Variants in SLC24A2 observed in about 807,000 individuals in gnomAD.
SLC24A2 encodes sodium/potassium/calcium exchanger 2.
SLC24A2 carries 36 observed loss-of-function variants against 62.0 expected under a neutral mutation model. The observed-to-expected ratio is 0.58, with a 90% confidence interval of 0.44 to 0.77. The LOEUF is 0.77. Ranked by LOEUF, SLC24A2 falls within the 30% of genes least tolerant of loss-of-function variation. The probability of loss-of-function intolerance (pLI) is 0.00; values close to 1 mark genes in which losing one functional copy is unlikely to be tolerated. For missense variants in SLC24A2, 846 were observed against 817.9 expected (o/e 1.03, Z -0.42); for synonymous variants, 358 against 294.0 (o/e 1.22, Z -2.23).
At chr9:19,828,572 A>C in the SLC24A2 span, among the ~76,000 whole-genome samples, 1 of 152,174 alleles carries the variant, frequency 6.6e-6, no homozygotes, top group Non-Finnish European at 1.5e-5. Context: ...CATTAATGAG[A>C]GGGGTTCATA....
At chr9:19,968,417 G>T in the SLC24A2 span, among the ~76,000 whole-genome samples, 1 of 152,196 alleles carries the variant, frequency 6.6e-6, no homozygotes, top group Admixed American at 6.5e-5. Context: ...TAACAAGATA[G>T]ATACAAAACT....
intron 2 of SLC24A2, among the ~76,000 whole-genome samples, chr9:19,637,067 T>C (rs1359728159): frequency 6.7e-6 from 1 of 149,480 alleles, no homozygotes; most frequent in Non-Finnish European, 1.5e-5. Context: ...ATAATACTAA[T>C]AGCATTAGTA....
chr9:20,138,108 C>T, the SLC24A2 span, among the ~76,000 whole-genome samples: 4 of 152,016 alleles, frequency 2.6e-5, no homozygotes, highest in Non-Finnish European at 5.9e-5. Context: ...ACCAAGGTAA[C>T]TTTTTTTTAA....
intron 7 of SLC24A2, among the ~76,000 whole-genome samples, chr9:19,564,690 T>A (rs1835577147): frequency 6.6e-6 from 1 of 152,080 alleles, no homozygotes; most frequent in Non-Finnish European, 1.5e-5. Context: ...AGAAGTGAAA[T>A]GAAATAAAAA....
the SLC24A2 span, among the ~76,000 whole-genome samples, chr9:20,248,895 T>A: frequency 3.0e-3 from 461 of 152,304 alleles, 6 homozygotes; most frequent in African/African-American, 0.01. Context: ...AGTTGTTTCC[T>A]CCAGAGATAT....
the SLC24A2 span, among the ~76,000 whole-genome samples, chr9:20,072,887 C>A: frequency 6.6e-6 from 1 of 152,134 alleles, no homozygotes; most frequent in Non-Finnish European, 1.5e-5. Flanking sequence ...TGATTTTGGA[C>A]TTCAGACCTC....
chr9:19,550,089 T>G (rs201875558), intron 8 of SLC24A2, 48 bp downstream of exon 8: 4 of 1,591,140 alleles, frequency 2.5e-6, no homozygotes, highest in Non-Finnish European at 3.4e-6. Context: ...CACCCTGTTA[T>G]GTACCATATG....
the SLC24A2 span, among the ~76,000 whole-genome samples, chr9:20,043,336 C>T: frequency 1.3e-5 from 2 of 152,172 alleles, no homozygotes; most frequent in African/African-American, 2.4e-5. Flanking sequence ...AACACAACAC[C>T]CATTCTGCAG....
chr9:20,006,468 T>C, the SLC24A2 span, among the ~76,000 whole-genome samples: 1 of 151,996 alleles, frequency 6.6e-6, no homozygotes, highest in Non-Finnish European at 1.5e-5. Flanking sequence ...ACTAAGAGTA[T>C]AATTGGATGT....
At chr9:19,550,018 G>C (rs886715941) in intron 8 of SLC24A2, 119 bp downstream of exon 8, 1 of 1,007,068 alleles carries the variant, frequency 9.9e-7, no homozygotes, top group Non-Finnish European at 1.6e-6. Flanking sequence ...TGGGGTATAT[G>C]TGAGATTTTG....
the SLC24A2 span, among the ~76,000 whole-genome samples, chr9:19,912,462 C>T: frequency 6.6e-6 from 1 of 152,110 alleles, no homozygotes; most frequent in Non-Finnish European, 1.5e-5. Context: ...GTTATTGGCT[C>T]ACAGTCAGGA....
the SLC24A2 span, among the ~76,000 whole-genome samples, chr9:20,008,552 C>G: frequency 6.6e-6 from 1 of 152,194 alleles, no homozygotes; most frequent in South Asian, 2.1e-4. Context: ...GCCACCTTGG[C>G]AGCTCCATGA....
chr9:20,257,399 T>C, the SLC24A2 span, among the ~76,000 whole-genome samples: 2 of 151,914 alleles, frequency 1.3e-5, no homozygotes, highest in Non-Finnish European at 2.9e-5. Flanking sequence ...CCTGGTGCCC[T>C]TTTTTTTCTA....
chr9:19,835,004 A>C, the SLC24A2 span, among the ~76,000 whole-genome samples: 926 of 152,212 alleles, frequency 6.1e-3, 4 homozygotes, highest in Non-Finnish European at 9.9e-3. Flanking sequence ...GAAATAAAAT[A>C]CTTTACAGAC....
chr9:19,578,845 C>T (rs185064919), intron 5 of SLC24A2, among the ~76,000 whole-genome samples: 54 of 152,262 alleles, frequency 3.5e-4, no homozygotes, highest in African/African-American at 1.2e-3. Context: ...TTTCTGCTCA[C>T]GGCTCCATTA....
intron 2 of SLC24A2, among the ~76,000 whole-genome samples, chr9:19,665,976 A>C (rs556544253): frequency 2.0e-5 from 3 of 152,270 alleles, no homozygotes; most frequent in African/African-American, 7.2e-5. Flanking sequence ...TCATTCATTA[A>C]AAGTGAAGGT....
chr9:19,816,322 C>G, the SLC24A2 span, among the ~76,000 whole-genome samples: 2 of 152,152 alleles, frequency 1.3e-5, no homozygotes, highest in South Asian at 4.2e-4. Context: ...AGAAAGCATT[C>G]ATTTATAATA....
chr9:20,204,494 A>T, the SLC24A2 span, among the ~76,000 whole-genome samples: 3 of 152,176 alleles, frequency 2.0e-5, no homozygotes, highest in Non-Finnish European at 2.9e-5. Flanking sequence ...TGGTGCTAAA[A>T]TATTCAAAGT....
chr9:19,610,494 GAGA>G (rs1837124844), intron 4 of SLC24A2, among the ~76,000 whole-genome samples: 1 of 152,168 alleles, frequency 6.6e-6, no homozygotes. Flanking sequence ...AAGGAAACGA[GAGA>G]AGAACAAAGC....
Sources: allele counts gnomAD v4.1 joint callset (sites outside exome capture counted in the v4.1 genomes callset), GRCh38; gene constraint gnomAD v4.1.1; transcripts MANE v1.5; gene names NCBI Gene and HGNC (gene_info 2026-07-23, HGNC 2026-07-21).